DDX5: variants seen among roughly 807,000 people sequenced by gnomAD.
DDX5 encodes the protein probable ATP-dependent RNA helicase DDX5.
Under a neutral mutation model 68.6 loss-of-function variants are expected in DDX5, and 6 were observed. The ratio of observed to expected loss-of-function variants is 0.09; its 90% CI spans 0.05 to 0.17. The LOEUF is 0.17. Ranked by LOEUF, DDX5 falls within the 10% of genes least tolerant of loss-of-function variation. The pLI, the probability that DDX5 is intolerant of heterozygous loss-of-function variation, is 1.00. For missense variants in DDX5, 499 were observed against 756.1 expected, an observed-to-expected ratio of 0.66 and a Z score of 3.99; for synonymous variants, 350 against 247.0, an observed-to-expected ratio of 1.42 and a Z score of -3.91.
chr17:64,506,227 G>A lies in DDX5; in HGVS notation c.-108C>T, dbSNP rs918477704. On this transcript the variant is annotated 5_prime_UTR_variant, in exon 1 of 13. Transcript: ENST00000225792. ...GAAGCCTTGCGGGGGCGGCAGCGGA[G>A]GAAGGACACCGATGACACCAGCCGA... The A allele has an allele frequency of 7.1e-6, 11 of 1,555,020 alleles. No homozygotes were observed. The highest frequency in any genetic ancestry group is 2.4e-5 in the East Asian group (1 of 41,724).
At chr17:64,502,341 A>G in intron 9 of DDX5, 98 bp downstream of exon 9, 3 of 1,452,788 alleles carry the variant, frequency 2.1e-6, no homozygotes, top group Admixed American at 1.8e-5. Flanking sequence ...AGTTAAATTC[A>G]CTATCAGATA....
At chr17:64,502,249 T>A in intron 9 of DDX5, 26 bp from the exon 10 acceptor site, 2 of 1,603,756 alleles carry the variant, frequency 1.2e-6, no homozygotes, top group African/African-American at 3.0e-5. Flanking sequence ...AGTTGTGTTA[T>A]TAAACTCACA....
At chr17:64,505,352 G>A (rs1383598069) in intron 1 of DDX5, 3 of 420,346 alleles carry the variant, frequency 7.1e-6, no homozygotes, top group African/African-American at 2.0e-5. Flanking sequence ...AGCAAACCCA[G>A]CTGGGGGAAC....
At chr17:64,502,592 G>A (rs782744419) in intron 8 of DDX5, 43 bp from the exon 9 acceptor site, 3 of 1,410,756 alleles carry the variant, frequency 2.1e-6, no homozygotes. Flanking sequence ...AGTTTTAAAA[G>A]ACCATTGCTA....
upstream of DDX5, chr17:64,506,670 C>CTTTTTTAA: frequency 6.1e-6 from 2 of 326,766 alleles, no homozygotes; most frequent in East Asian, 1.1e-4. Context: ...TGTCACGTGG[C>CTTTTTTAA]TGTACCACCC....
rs1555672596 is a variant in DDX5, at chr17:64,506,192, C to G, written c.-73G>C. On this transcript the variant is annotated 5_prime_UTR_variant, in exon 1 of 13. Transcript: ENST00000225792. ...TGCGACAAGTCGCTGGAAATGGCCT[C>G]GATGACGGCGAAGCCTTGCGGGGGC... 1.4e-5 allele frequency: 22 copies of G among 1,576,328 alleles called. No homozygotes were observed. Among genetic ancestry groups the G allele is most frequent in the Non-Finnish European group, 1.7e-5 (20 of 1,161,096 alleles).
chr17:64,500,975 T>C, intron 11 of DDX5: 2 of 589,034 alleles, frequency 3.4e-6, no homozygotes, highest in East Asian at 2.8e-5. Flanking sequence ...ATCTGTATAA[T>C]TCATCACCCA....
At chr17:64,504,644 T>A (rs1568105628) in intron 2 of DDX5, 33 bp downstream of exon 2, 1 of 1,579,416 alleles carries the variant, frequency 6.3e-7, no homozygotes, top group Non-Finnish European at 8.6e-7. Context: ...ACGATCGAGT[T>A]ACAGCCTGAT....
chr17:64,505,424 G>C (rs552033718), intron 1 of DDX5: 1 of 545,702 alleles, frequency 1.8e-6, no homozygotes, highest in Admixed American at 3.2e-5. Context: ...AAGAAAAGGA[G>C]GAGCCGGCGA....
In DDX5 at chr17:64,503,975, A is replaced by C; in HGVS notation, c.441+8T>G. ...ATCAGATCAACTCAAGAGTTCTCCC[A>C]AACTTACAGACAATGTTTTCCCAGA... On this transcript the variant is annotated splice_region_variant and intron_variant, in intron 4 of 12. Transcript: ENST00000225792. 6.2e-7 allele frequency: 1 copy of C among 1,614,156 alleles called. No individual in the cohort carries two copies. Among genetic ancestry groups the C allele is most frequent in the Non-Finnish European group, 8.5e-7 (1 of 1,180,002 alleles).
At position 64,506,223 on chromosome 17, in the gene DDX5, C is replaced by A; in HGVS notation, c.-104G>T. 6.4e-7 allele frequency: 1 copy of A among 1,556,428 alleles called. No individual in the cohort carries two copies. The highest frequency in any genetic ancestry group is 8.7e-7 in the Non-Finnish European group (1 of 1,150,376). On this transcript the variant is annotated 5_prime_UTR_variant, in exon 1 of 13. Coordinates refer to ENST00000225792, the MANE Select transcript of DDX5 (RefSeq NM_004396.5). ...CGGCGAAGCCTTGCGGGGGCGGCAG[C>A]GGAGGAAGGACACCGATGACACCAG...
In DDX5 at chr17:64,506,169, C is replaced by A; in HGVS notation, c.-50G>T. 6.3e-7 allele frequency: 1 copy of A among 1,596,424 alleles called. No individual in the cohort carries two copies. The highest frequency in any genetic ancestry group is 1.3e-5 in the African/African-American group (1 of 74,822). On this transcript the variant is annotated 5_prime_UTR_variant, in exon 1 of 13. Transcript: ENST00000225792. The stretch of plus-strand genomic sequence containing the variant: ...GGAACGAAGTATATAGAAAAGCGTG[C>A]GACAAGTCGCTGGAAATGGCCTCGA...
chr17:64,501,844 C>T, intron 11 of DDX5, 166 bp downstream of exon 11: 1 of 659,796 alleles, frequency 1.5e-6, no homozygotes, highest in Non-Finnish European at 2.6e-6. Flanking sequence ...CTCCATCCCC[C>T]TCGAGTCCTC....
intron 1 of DDX5, 97 bp downstream of exon 1, chr17:64,505,979 G>A (rs977331569): frequency 1.3e-6 from 2 of 1,541,440 alleles, no homozygotes; most frequent in Admixed American, 2.0e-5. Context: ...GCCCGGAAAG[G>A]CCAAGTCCAA....
intron 1 of DDX5, 56 bp downstream of exon 1, chr17:64,506,020 A>ACCCCCCC: frequency 1.2e-6 from 1 of 868,082 alleles, no homozygotes; most frequent in Non-Finnish European, 1.7e-6. Flanking sequence ...CGCCACCCTG[A>ACCCCCCC]CCCGCCCTCC....
intron 12 of DDX5, 21 bp downstream of exon 12, chr17:64,500,528 T>A: frequency 6.2e-7 from 1 of 1,603,746 alleles, no homozygotes; most frequent in Non-Finnish European, 8.5e-7. Context: ...ACTACCAACA[T>A]TTCCTATCAG....
In DDX5 at chr17:64,500,637, C is replaced by T; in HGVS notation, c.1353G>A (p.Lys451=). Residue 451 remains lysine (K), a synonymous_variant, in exon 12 of 13, where the codon AAG becomes AAA. Transcript: ENST00000225792. ...AYTFFTPNNI[K]QVSDLISVLR... ...GCACAGAGATAAGGTCGCTCACTTG[C>T]TTTATGTTATTAGGTGTAAAGAAAG... 6.2e-7 allele frequency: 1 copy of T among 1,614,200 alleles called. No individual in the cohort carries two copies. Among genetic ancestry groups the T allele is most frequent in the Non-Finnish European group, 8.5e-7 (1 of 1,180,036 alleles).
At position 64,503,506 on chromosome 17, in the gene DDX5, A is replaced by G. The variant is rs1555671482; in HGVS notation, c.573T>C (p.Cys191=). The change falls in exon 6 of 13, where the codon TGT becomes TGC. Residue 191 remains cysteine (C), a synonymous_variant. Transcript: ENST00000225792. ...QQVQQVAAEY[C]RACRLKSTCI... Reference sequence around the variant, plus strand: ...AAGTAGACTTCAAGCGACATGCTCTACAATATTCAGCAGCTACTTGCTGCA... The same window carrying G: ...AAGTAGACTTCAAGCGACATGCTCTGCAATATTCAGCAGCTACTTGCTGCA... The G allele has an allele frequency of 2.5e-6, 4 of 1,614,138 alleles. No homozygotes were observed. Among genetic ancestry groups the G allele is most frequent in the Non-Finnish European group, 3.4e-6 (4 of 1,180,048 alleles).
At chr17:64,502,639 A>T in intron 8 of DDX5, 90 bp from the exon 9 acceptor site, 1 of 970,780 alleles carries the variant, frequency 1.0e-6, no homozygotes, top group Non-Finnish European at 1.6e-6. Context: ...CATTAAGTTC[A>T]ATTTACATGG....
Sources: allele counts gnomAD v4.1 joint callset, GRCh38; gene constraint gnomAD v4.1.1; transcripts MANE v1.5; gene names NCBI Gene and HGNC (gene_info 2026-07-23, HGNC 2026-07-21).